Variants in PIK3C3 observed in about 807,000 individuals in gnomAD.
PIK3C3 encodes the protein phosphatidylinositol 3-kinase catalytic subunit type 3, also known as PI3-kinase type 3.
Under a neutral mutation model 126.1 loss-of-function variants are expected in PIK3C3, and 95 were observed. That is an observed-to-expected ratio of 0.75 (90% CI 0.64 to 0.89). PIK3C3 has a LOEUF of 0.89. Ranked by LOEUF, PIK3C3 falls within the 40% of genes least tolerant of loss-of-function variation. The probability of loss-of-function intolerance (pLI) is 0.00; values close to 1 mark genes in which losing one functional copy is unlikely to be tolerated. For synonymous variants in PIK3C3, 374 were observed against 360.0 expected (o/e 1.04, Z -0.44); for missense variants, 829 against 1,063.2 (o/e 0.78, Z 3.06).
At position 42,054,182 on chromosome 18, in the gene PIK3C3, A is replaced by C. The variant is rs1373493264; in HGVS notation, c.2264-3701A>C. On this transcript the variant is annotated intron_variant, in intron 21 of 24. Transcript: ENST00000262039. ...TATATATATATATATATATATATAT[A>C]TATATATATAAAGGGGAATTTATTA... Among the ~76,000 whole-genome samples the C allele has an allele frequency of 6.9e-4, 52 of 74,958 alleles. 6 individuals are homozygous for C. The highest frequency in any genetic ancestry group is 2.5e-3 in the South Asian group (7 of 2,800). 49.2% of individuals were successfully genotyped at this position (74,958 alleles called of 152,430 possible). A position where few individuals can be genotyped will look rare whatever the true frequency, so the allele number is the denominator to read the frequency against.
chr18:41,979,498 A>T (rs561185596), intron 4 of PIK3C3, among the ~76,000 whole-genome samples: 1 of 152,182 alleles, frequency 6.6e-6, no homozygotes, highest in African/African-American at 2.4e-5. Flanking sequence ...TCTTATTACA[A>T]ATCCTATAAT....
intron 5 of PIK3C3, among the ~76,000 whole-genome samples, chr18:41,989,113 A>G (rs1981645442): frequency 6.6e-6 from 1 of 151,818 alleles, no homozygotes; most frequent in Non-Finnish European, 1.5e-5. Flanking sequence ...TTTGGGGGAC[A>G]AGGTCTTGCT....
intron 12 of PIK3C3, among the ~76,000 whole-genome samples, chr18:42,019,061 T>A (rs1983204696): frequency 6.6e-6 from 1 of 152,096 alleles, no homozygotes; most frequent in Admixed American, 6.6e-5. Flanking sequence ...TTCTGCCTCA[T>A]ACTTAATGGA....
At chr18:42,005,203 A>T (rs1053071096) in intron 10 of PIK3C3, among the ~76,000 whole-genome samples, 2 of 152,152 alleles carry the variant, frequency 1.3e-5, no homozygotes, top group Non-Finnish European at 2.9e-5. Context: ...ACTTACCCAA[A>T]CCTAGATGGT....
chr18:41,976,469 T>C (rs1980930169), intron 4 of PIK3C3, among the ~76,000 whole-genome samples: 1 of 152,200 alleles, frequency 6.6e-6, no homozygotes, highest in African/African-American at 2.4e-5. Context: ...ATGTGTAAAG[T>C]GCTTTAATAT....
At chr18:42,025,810 C>T (rs1462881296) in intron 13 of PIK3C3, 1 of 152,076 alleles carries the variant, frequency 6.6e-6, no homozygotes, top group East Asian at 1.9e-4. Flanking sequence ...TGAAAATTAT[C>T]AATAATGAGA....
Position 41,970,392 on chromosome 18 carries a change from C to T in PIK3C3, c.467C>T (p.Pro156Leu). The change falls in exon 4 of 25, where the codon CCC becomes CTC. Residue 156 changes from proline to leucine, a missense_variant. Transcript: ENST00000262039. ...WPNVEADGSE[P>L]TKTPGRTSST... The stretch of plus-strand genomic sequence containing the variant: ...AATGTAGAAGCAGATGGATCAGAAC[C>T]CACAAAAACTCCTGGCAGAACAAGT... 6.2e-7 allele frequency: 1 copy of T among 1,613,440 alleles called. No homozygotes were observed. The highest frequency in any genetic ancestry group is 2.2e-5 in the East Asian group (1 of 44,844).
At chr18:41,959,168 T>G (rs1396233412) in intron 2 of PIK3C3, among the ~76,000 whole-genome samples, 1 of 152,202 alleles carries the variant, frequency 6.6e-6, no homozygotes, top group African/African-American at 2.4e-5. Flanking sequence ...TCAGAAGAGT[T>G]AAAACAAATT....
At chr18:41,983,263 AT>A (rs1436337057) in intron 4 of PIK3C3, among the ~76,000 whole-genome samples, 15 of 152,136 alleles carry the variant, frequency 9.9e-5, no homozygotes, top group African/African-American at 3.6e-4. Flanking sequence ...GACAGAGGAC[AT>A]GATGGAAGTT....
At chr18:42,027,758 G>A (rs976401915) in intron 14 of PIK3C3, among the ~76,000 whole-genome samples, 1 of 152,160 alleles carries the variant, frequency 6.6e-6, no homozygotes, top group African/African-American at 2.4e-5. Flanking sequence ...GGGTTCAAGA[G>A]ATTCTCCTGC....
At chr18:42,050,947 TCTAACTCCTTGA>T (rs1365799221) in intron 21 of PIK3C3, 1 of 152,276 alleles carries the variant, frequency 6.6e-6, no homozygotes, top group Non-Finnish European at 1.5e-5. Flanking sequence ...AGAAGCCCTT[TCTAACTCCTTGA>T]TCTGTAATAA....
In PIK3C3 at chr18:42,029,350, G is replaced by A. The variant is rs766344105; in HGVS notation, c.1616G>A (p.Arg539His). The A allele has an allele frequency of 1.2e-5, 20 of 1,613,394 alleles. No individual in the cohort carries two copies. Among genetic ancestry groups the A allele is most frequent in the Non-Finnish European group, 1.7e-5 (20 of 1,179,626 alleles). The change falls in exon 15 of 25, where the codon CGT becomes CAT. Residue 539 changes from arginine to histidine, a missense_variant. By Grantham distance (29) the Arg-to-His change is conservative. Around this residue, in one of 4 missense-constraint regions of PIK3C3, gnomAD observed 256 missense variants for 291.0 expected, o/e 0.88. Coordinates refer to ENST00000262039, the MANE Select transcript of PIK3C3 (RefSeq NM_002647.4). Reference protein sequence around the residue: ...LKGDKSVRVMRSLLAAQQTFV... With the variant: ...LKGDKSVRVMHSLLAAQQTFV... ...GGTGATAAGTCTGTCAGAGTTATGC[G>A]TTCTTTGCTGGCTGCACAACAGACA...
chr18:42,079,718 G>A (rs1986168935), intron 24 of PIK3C3, among the ~76,000 whole-genome samples: 2 of 152,212 alleles, frequency 1.3e-5, no homozygotes, highest in African/African-American at 4.8e-5. Flanking sequence ...GTGTACATAT[G>A]CAGTTTTTCA....
At chr18:42,035,360 T>C (rs1434713213) in intron 16 of PIK3C3, among the ~76,000 whole-genome samples, 2 of 152,194 alleles carry the variant, frequency 1.3e-5, no homozygotes, top group Admixed American at 6.5e-5. Flanking sequence ...TTTCCAACCA[T>C]GGTGCAAAAG....
chr18:42,047,111 A>G (rs1984590296), intron 20 of PIK3C3, among the ~76,000 whole-genome samples: 1 of 152,202 alleles, frequency 6.6e-6, no homozygotes, highest in Admixed American at 6.5e-5. Flanking sequence ...CTGTTGCAAC[A>G]CAGGTGAATC....
intron 23 of PIK3C3, among the ~76,000 whole-genome samples, chr18:42,065,967 A>G (rs1985520882): frequency 6.6e-6 from 1 of 152,218 alleles, no homozygotes; most frequent in Non-Finnish European, 1.5e-5. Context: ...TAAGTATGCA[A>G]GCTTTGATAA....
intron 10 of PIK3C3, among the ~76,000 whole-genome samples, chr18:42,011,088 G>C (rs1982801707): frequency 6.6e-6 from 1 of 152,162 alleles, no homozygotes; most frequent in Non-Finnish European, 1.5e-5. Flanking sequence ...GCTCTAAACA[G>C]ATGTGATGTC....
At chr18:41,990,968 T>A (rs1163735615) in intron 6 of PIK3C3, among the ~76,000 whole-genome samples, 1 of 152,194 alleles carries the variant, frequency 6.6e-6, no homozygotes, top group East Asian at 1.9e-4. Flanking sequence ...AATGTCTATA[T>A]GTGGCCCTCA....
intron 20 of PIK3C3, 152 bp from the exon 21 acceptor site, chr18:42,049,379 A>C (rs568133828): frequency 2.0e-5 from 10 of 490,582 alleles, no homozygotes; most frequent in African/African-American, 1.6e-4. Flanking sequence ...AGTGACAGAC[A>C]TGAAGATTGC....
Sources: gnomAD v4.1 joint callset for allele counts (sites outside exome capture counted in the v4.1 genomes callset) on GRCh38, gnomAD v4.1.1 for gene constraint, gnomAD v4.1.1 regional missense constraint, MANE v1.5 for transcripts, NCBI Gene and HGNC (gene_info 2026-07-23, HGNC 2026-07-21) for gene names.